The following RAD51B variants were observed in gnomAD, a reference collection of about 807,000 sequenced individuals.
The protein encoded by RAD51B is DNA repair protein RAD51 homolog 2.
A neutral mutation model predicts 42.2 loss-of-function variants in RAD51B; 38 were observed. The observed-to-expected ratio is 0.90, with a 90% CI of 0.70 to 1.18. The LOEUF is 1.18. Among genes scored for constraint, RAD51B ranks in the 50% most tolerant of loss-of-function variants. The probability of loss-of-function intolerance (pLI) is 0.00; values close to 1 mark genes in which losing one functional copy is unlikely to be tolerated. For synonymous variants in RAD51B, 154 were observed against 145.2 expected, an observed-to-expected ratio of 1.06 and a Z score of -0.43; for missense variants, 373 against 400.7, an observed-to-expected ratio of 0.93 and a Z score of 0.59.
chr14:68,016,214 C>T (rs1272570247), intron 7 of RAD51B, among the ~76,000 whole-genome samples: 3 of 152,050 alleles, frequency 2.0e-5, no homozygotes, highest in Admixed American at 6.6e-5. Flanking sequence ...GGTAGAAAAA[C>T]ATTGGCAGTT....
In RAD51B at chr14:68,271,058, T is replaced by C. The variant is rs145694958; in HGVS notation, c.757-20826T>C. 1.8e-4 allele frequency among the ~76,000 whole-genome samples: 28 copies of C among 152,364 alleles called. No individual in the cohort carries two copies. In the East Asian group the frequency reaches 5.4e-3, roughly 29 times the overall value. ...CATGAAGCCTCTGTCGCCCATTTTG[T>C]TTAAAATTGCAACCTATTCCCACAC... On this transcript the variant is annotated intron_variant, in intron 7 of 10. Coordinates refer to ENST00000471583, the MANE Select transcript of RAD51B (RefSeq NM_133510.4).
intron 5 of RAD51B, among the ~76,000 whole-genome samples, chr14:67,884,730 C>T (rs1283648311): frequency 6.6e-6 from 1 of 152,142 alleles, no homozygotes; most frequent in African/African-American, 2.4e-5. Context: ...TCTTTTGGTA[C>T]TATTCCTTAT....
intron 10 of RAD51B, among the ~76,000 whole-genome samples, chr14:68,549,517 G>A (rs1024202583): frequency 2.8e-5 from 4 of 143,658 alleles, no homozygotes; most frequent in South Asian, 2.2e-4. Flanking sequence ...CCGGGTTCAC[G>A]CCATTCTCCT....
intron 9 of RAD51B, among the ~76,000 whole-genome samples, chr14:68,445,377 A>G (rs2085398491): frequency 6.6e-6 from 1 of 152,226 alleles, no homozygotes. Flanking sequence ...TTTAAAAACA[A>G]CAACGACAGT....
chr14:67,899,717 T>C (rs1330244906), intron 7 of RAD51B, among the ~76,000 whole-genome samples: 1 of 152,240 alleles, frequency 6.6e-6, no homozygotes, highest in Non-Finnish European at 1.5e-5. Context: ...CTACATCTTA[T>C]TGATAACTAC....
intron 7 of RAD51B, among the ~76,000 whole-genome samples, chr14:68,177,894 T>G (rs2078991460): frequency 6.6e-6 from 1 of 152,162 alleles, no homozygotes; most frequent in Admixed American, 6.5e-5. Context: ...GAAGACATTT[T>G]CCTACTCAGA....
At chr14:68,642,661 AT>A (rs1892485954) in intron 10 of RAD51B, among the ~76,000 whole-genome samples, 1 of 151,860 alleles carries the variant, frequency 6.6e-6, no homozygotes, top group Admixed American at 6.6e-5. Flanking sequence ...TTGGGATTTA[AT>A]TTGCTCTTCC....
intron 8 of RAD51B, among the ~76,000 whole-genome samples, chr14:68,408,721 A>G (rs1049653584): frequency 5.9e-5 from 9 of 152,244 alleles, no homozygotes; most frequent in Non-Finnish European, 5.9e-5. Flanking sequence ...AGTTAGCGCA[A>G]TTAAAAAATC....
chr14:68,465,951 A>AATAAATAAAT (rs10691924), intron 9 of RAD51B, among the ~76,000 whole-genome samples: 22 of 90,506 alleles, frequency 2.4e-4, no homozygotes, highest in South Asian at 9.6e-4. Flanking sequence ...AAAAAAAAAA[A>AATAAATAAAT]AAATAAATAA....
rs73274119 is a variant in RAD51B at position 68,338,098 on chromosome 14, T to A, written c.853+46118T>A. The stretch of plus-strand genomic sequence containing the variant: ...TGAGCCACCGTGCCAGGCCCAAAAA[T>A]CTTTTATTTGTAAATAACTGAAACC... On this transcript the variant is annotated intron_variant, in intron 8 of 10. Transcript: ENST00000471583. 8.1e-3 allele frequency among the ~76,000 whole-genome samples: 1,231 copies of A among 152,206 alleles called. 15 individuals carry two copies. Among genetic ancestry groups the A allele is most frequent in the African/African-American group, 0.029 (1,194 of 41,530 alleles).
intron 11 of RAD51B, among the ~76,000 whole-genome samples, chr14:68,654,353 C>T (rs1892765214): frequency 6.6e-6 from 1 of 152,234 alleles, no homozygotes; most frequent in Admixed American, 6.5e-5. Flanking sequence ...GCTGTGGGGA[C>T]ACCTTTACGT....
At chr14:68,156,603 A>C (rs1205748525) in intron 7 of RAD51B, among the ~76,000 whole-genome samples, 1 of 151,924 alleles carries the variant, frequency 6.6e-6, no homozygotes, top group Non-Finnish European at 1.5e-5. Flanking sequence ...AAAAATTTCT[A>C]TGTTTATTCG....
At chr14:68,673,079 T>C (rs528841832) in intron 11 of RAD51B, among the ~76,000 whole-genome samples, 6 of 152,302 alleles carry the variant, frequency 3.9e-5, no homozygotes, top group African/African-American at 1.4e-4. Context: ...AACTTAAACA[T>C]GCACAAAATC....
chr14:68,264,266 C>T (rs1472225638), intron 7 of RAD51B, among the ~76,000 whole-genome samples: 1 of 152,174 alleles, frequency 6.6e-6, no homozygotes, highest in African/African-American at 2.4e-5. Context: ...ATGCCTATCC[C>T]ATTTGGGACT....
intron 9 of RAD51B, among the ~76,000 whole-genome samples, chr14:68,426,028 C>CTTTA (rs1302737702): frequency 7.1e-6 from 1 of 141,774 alleles, no homozygotes; most frequent in East Asian, 2.0e-4. Context: ...TTCTTTCTTT[C>CTTTA]TCTCTTTCTT....
At chr14:68,025,857 A>G (rs1175381092) in intron 7 of RAD51B, among the ~76,000 whole-genome samples, 1 of 151,742 alleles carries the variant, frequency 6.6e-6, no homozygotes, top group Non-Finnish European at 1.5e-5. Context: ...TTATGTCTCA[A>G]TTTCATTCAG....
At position 68,156,421 on chromosome 14, in the gene RAD51B, T is replaced by G. The variant is rs764228234; in HGVS notation, c.757-135463T>G. 1.4e-3 allele frequency among the ~76,000 whole-genome samples: 207 copies of G among 151,562 alleles called. 5 individuals are homozygous for G. Among genetic ancestry groups the G allele is most frequent in the Non-Finnish European group, 3.7e-4 (25 of 67,954 alleles). ...ATCTACTTACCAGCTTTTAGGGGAATCCCTTTTTAAGTCAAGAAAGCACCT... is the reference window on the plus strand; with the variant it reads ...ATCTACTTACCAGCTTTTAGGGGAAGCCCTTTTTAAGTCAAGAAAGCACCT... On this transcript the variant is annotated intron_variant, in intron 7 of 10. Transcript: ENST00000471583.
chr14:67,826,551 G>C (rs1381399984), intron 3 of RAD51B, among the ~76,000 whole-genome samples: 1 of 152,120 alleles, frequency 6.6e-6, no homozygotes, highest in African/African-American at 2.4e-5. Flanking sequence ...TTACCTTACT[G>C]CCTTATATTG....
chr14:67,860,451 T>C (rs2042128114), intron 4 of RAD51B, among the ~76,000 whole-genome samples: 1 of 152,210 alleles, frequency 6.6e-6, no homozygotes, highest in East Asian at 1.9e-4. Flanking sequence ...TGTAAGAGTT[T>C]AGGTTGCATA....
Sources: gnomAD v4.1 joint callset for allele counts (sites outside exome capture counted in the v4.1 genomes callset) on GRCh38, gnomAD v4.1.1 for gene constraint, MANE v1.5 for transcripts, NCBI Gene and HGNC (gene_info 2026-07-23, HGNC 2026-07-21) for gene names.